Variants in SLC4A7 observed in about 807,000 individuals in gnomAD.
SLC4A7 encodes sodium bicarbonate cotransporter 3.
In SLC4A7, 51 loss-of-function variants were observed where a neutral mutation model predicts 137.6. The observed-to-expected ratio is 0.37, with a 90% confidence interval of 0.30 to 0.47. SLC4A7 has a LOEUF of 0.47. SLC4A7 is among the 20% of genes least tolerant of loss of function. The probability of loss-of-function intolerance (pLI) is 1.00; values close to 1 mark genes in which losing one functional copy is unlikely to be tolerated. For missense variants in SLC4A7, 1,247 were observed against 1,525.4 expected (o/e 0.82, Z 3.04); for synonymous variants, 542 against 518.6 (o/e 1.05, Z -0.61).
chr3:27,396,078 A>G (rs1283037989), intron 18 of SLC4A7, among the ~76,000 whole-genome samples: 2 of 152,212 alleles, frequency 1.3e-5, no homozygotes, highest in Non-Finnish European at 2.9e-5. Context: ...GCATATATAG[A>G]AACCTAAACA....
intron 1 of SLC4A7, among the ~76,000 whole-genome samples, chr3:27,461,940 A>G (rs189979538): frequency 1.8e-4 from 27 of 152,152 alleles, no homozygotes; most frequent in African/African-American, 6.3e-4. Context: ...CCAGCCTGGG[A>G]AACAGTGCGA....
chr3:27,412,750 T>G (rs1443244600), intron 11 of SLC4A7, among the ~76,000 whole-genome samples: 1 of 152,222 alleles, frequency 6.6e-6, no homozygotes, highest in Non-Finnish European at 1.5e-5. Flanking sequence ...ACTGATTTAA[T>G]CATTTAATTG....
chr3:27,482,094 T>C (rs183762454), intron 1 of SLC4A7, among the ~76,000 whole-genome samples: 13 of 152,254 alleles, frequency 8.5e-5, no homozygotes, highest in Admixed American at 8.5e-4. Flanking sequence ...GATCAGGCCA[T>C]TGCGCTCCAG....
At chr3:27,474,906 G>A (rs1293753320) in intron 1 of SLC4A7, among the ~76,000 whole-genome samples, 3 of 151,980 alleles carry the variant, frequency 2.0e-5, no homozygotes, top group Non-Finnish European at 4.4e-5. Context: ...TCAGGAGTTC[G>A]AGACCTGCCT....
chr3:27,389,420 T>C (rs543262079), intron 22 of SLC4A7, among the ~76,000 whole-genome samples: 4 of 152,156 alleles, frequency 2.6e-5, no homozygotes, highest in Admixed American at 6.5e-5. Flanking sequence ...TCTGTGGCCA[T>C]GTACAAAACC....
intron 1 of SLC4A7, among the ~76,000 whole-genome samples, chr3:27,473,804 T>C (rs2059355261): frequency 6.6e-6 from 1 of 151,852 alleles, no homozygotes. Flanking sequence ...ATCTTTTAAG[T>C]TATCTAATAA....
chr3:27,459,568 T>C (rs2058583427), intron 1 of SLC4A7, among the ~76,000 whole-genome samples: 1 of 152,188 alleles, frequency 6.6e-6, no homozygotes, highest in South Asian at 2.1e-4. Flanking sequence ...ATTTTCAGCC[T>C]TCTAATATTT....
chr3:27,398,144 A>G, intron 17 of SLC4A7, 48 bp downstream of exon 17: 1 of 1,433,588 alleles, frequency 7.0e-7, no homozygotes, highest in African/African-American at 1.4e-5. Context: ...GGAAATAAAA[A>G]CCAAAAATAT....
Position 27,376,526 on chromosome 3 carries a change from T to A in SLC4A7, c.*238A>T. 1 of 284,450 alleles carries A rather than the reference T, an allele frequency of 3.5e-6. No homozygotes were observed. The highest frequency in any genetic ancestry group is 2.2e-5 in the African/African-American group (1 of 45,802). 17.6% of individuals were successfully genotyped at this position (284,450 alleles called of 1,614,324 possible). A position where few individuals can be genotyped will look rare whatever the true frequency, so the allele number is the denominator to read the frequency against. On this transcript the variant is annotated 3_prime_UTR_variant, in exon 26 of 26. Transcript: ENST00000454389. Reference sequence around the variant, plus strand: ...ATCCTTCTATTGCAAAACAGAAAATTTTTTTTTCTAACAGAATAAATATTT... The same window carrying A: ...ATCCTTCTATTGCAAAACAGAAAATATTTTTTTCTAACAGAATAAATATTT...
intron 5 of SLC4A7, 66 bp from the exon 6 acceptor site, chr3:27,434,170 G>A (rs1237004919): frequency 2.5e-6 from 3 of 1,178,788 alleles, no homozygotes; most frequent in East Asian, 5.3e-5. Flanking sequence ...AATAAACTGT[G>A]AGTGAAACCT....
rs775687668 is a variant in SLC4A7, at chr3:27,373,949, T to C, written c.*2815A>G. 6.6e-6 allele frequency: 1 copy of C among 152,536 alleles called. No individual in the cohort carries two copies. Among genetic ancestry groups the C allele is most frequent in the Non-Finnish European group, 1.5e-5 (1 of 67,954 alleles). 9.4% of individuals were successfully genotyped at this position (152,536 alleles called of 1,614,324 possible). On this transcript the variant is annotated 3_prime_UTR_variant, in exon 26 of 26. Coordinates refer to ENST00000454389, the MANE Select transcript of SLC4A7 (RefSeq NM_001321103.2). Reference sequence around the variant, plus strand: ...ACTTTTAACAGATATAAGATCAGTATCATTCACATTCACACAAACATACAC... The same window carrying C: ...ACTTTTAACAGATATAAGATCAGTACCATTCACATTCACACAAACATACAC...
chr3:27,466,437 G>C (rs1394752107), intron 1 of SLC4A7, among the ~76,000 whole-genome samples: 1 of 144,526 alleles, frequency 6.9e-6, no homozygotes, highest in East Asian at 2.1e-4. Context: ...GGGCGACAGC[G>C]AGACTCCGTC....
Position 27,431,209 on chromosome 3 carries a change from T to C in SLC4A7, c.1150+89A>G, listed in dbSNP as rs939195519. On this transcript the variant is annotated intron_variant, in intron 7 of 25. Coordinates refer to ENST00000454389, the MANE Select transcript of SLC4A7 (RefSeq NM_001321103.2). ...ATAAATTATAAGCATTATCTACATA[T>C]GCTGCTTAAGCTATGTGCTAAAAGG... is the stretch of plus-strand genomic sequence containing the variant. 13 of 1,314,210 alleles carry C rather than the reference T, an allele frequency of 9.9e-6. No individual in the cohort carries two copies. The African/African-American group carries it at 1.6e-4, about 16-fold the overall frequency. 81.4% of individuals were successfully genotyped at this position (1,314,210 alleles called of 1,614,324 possible).
intron 1 of SLC4A7, among the ~76,000 whole-genome samples, chr3:27,476,888 A>G (rs1289442664): frequency 6.6e-6 from 1 of 152,134 alleles, no homozygotes; most frequent in South Asian, 2.1e-4. Context: ...ACATTCATCC[A>G]TTGAACAAAT....
intron 1 of SLC4A7, among the ~76,000 whole-genome samples, chr3:27,477,099 C>T (rs901356004): frequency 6.6e-6 from 1 of 152,232 alleles, no homozygotes; most frequent in Non-Finnish European, 1.5e-5. Flanking sequence ...GAAACTACTA[C>T]AGCTAACTCT....
At chr3:27,390,814 T>C (rs1267763430) in intron 21 of SLC4A7, among the ~76,000 whole-genome samples, 1 of 152,146 alleles carries the variant, frequency 6.6e-6, no homozygotes, top group African/African-American at 2.4e-5. Flanking sequence ...GATCGTTTTT[T>C]TTGTGTGTGT....
intron 1 of SLC4A7, among the ~76,000 whole-genome samples, chr3:27,470,533 T>C (rs932811977): frequency 4.0e-5 from 6 of 151,822 alleles, no homozygotes; most frequent in Admixed American, 1.3e-4. Context: ...GTATGTATTA[T>C]TTCTAAAAGA....
intron 12 of SLC4A7, 40 bp downstream of exon 12, chr3:27,411,602 C>A: frequency 9.9e-7 from 1 of 1,013,402 alleles, no homozygotes; most frequent in South Asian, 2.6e-5. Context: ...TTCATCAAAT[C>A]ATCCCCCAAA....
At chr3:27,386,201 TAAAA>T (rs34806095) in intron 22 of SLC4A7, among the ~76,000 whole-genome samples, 178 bp from the exon 23 acceptor site, 1 of 141,418 alleles carries the variant, frequency 7.1e-6, no homozygotes, top group Non-Finnish European at 1.5e-5. Flanking sequence ...TACTTTGTGC[TAAAA>T]AAAAAAAAAA....
Sources: allele counts gnomAD v4.1 joint callset (sites outside exome capture counted in the v4.1 genomes callset), GRCh38; gene constraint gnomAD v4.1.1; transcripts MANE v1.5; gene names NCBI Gene and HGNC (gene_info 2026-07-23, HGNC 2026-07-21).